BACE2: variants seen among roughly 807,000 people sequenced by gnomAD.
BACE2 encodes the protein 56 kDa aspartic-like protease.
In BACE2, 17 loss-of-function variants were observed where a neutral mutation model predicts 46.2. The observed-to-expected ratio is 0.37, with a 90% CI of 0.25 to 0.55. The LOEUF (loss-of-function observed/expected upper bound fraction) is 0.55. Ranked by LOEUF, BACE2 falls within the 20% of genes least tolerant of loss-of-function variation. The pLI is 0.82. For missense variants in BACE2, 595 were observed against 698.1 expected (o/e 0.85, Z 1.66); for synonymous variants, 277 against 295.9 (o/e 0.94, Z 0.66).
intron 1 of BACE2, among the ~76,000 whole-genome samples, chr21:41,221,488 T>C (rs182348270): frequency 0.013 from 1,927 of 152,292 alleles, 29 homozygotes; most frequent in South Asian, 0.059. Flanking sequence ...AACGAGTGTC[T>C]TTGATTTTAC....
intron 1 of BACE2, among the ~76,000 whole-genome samples, chr21:41,196,272 T>A (rs540327907): frequency 4.6e-4 from 70 of 150,654 alleles, no homozygotes; most frequent in African/African-American, 1.7e-3. Context: ...CACTCCAGCC[T>A]GGGTGACAGA....
At chr21:41,259,368 C>T (rs1987870647) in intron 8 of BACE2, among the ~76,000 whole-genome samples, 1 of 152,042 alleles carries the variant, frequency 6.6e-6, no homozygotes, top group South Asian at 2.1e-4. Context: ...TAATTACTTT[C>T]CTCAGGGCTG....
At chr21:41,170,251 GTTAA>G (rs900098286) in intron 1 of BACE2, among the ~76,000 whole-genome samples, 51 of 151,746 alleles carry the variant, frequency 3.4e-4, no homozygotes, top group African/African-American at 1.9e-4. Context: ...TAACTTGCCT[GTTAA>G]TTAATTCAAT....
At chr21:41,219,400 G>A (rs1986570834) in intron 1 of BACE2, among the ~76,000 whole-genome samples, 1 of 152,182 alleles carries the variant, frequency 6.6e-6, no homozygotes, top group Non-Finnish European at 1.5e-5. Flanking sequence ...TGTCACATAG[G>A]AAGAGATAGG....
At chr21:41,208,915 C>G (rs1986214305) in intron 1 of BACE2, among the ~76,000 whole-genome samples, 2 of 152,154 alleles carry the variant, frequency 1.3e-5, no homozygotes, top group Non-Finnish European at 2.9e-5. Flanking sequence ...GAACAACCAC[C>G]TGCCAGGGTG....
intron 1 of BACE2, among the ~76,000 whole-genome samples, chr21:41,202,342 G>T (rs970918730): frequency 6.6e-6 from 1 of 152,174 alleles, no homozygotes; most frequent in Non-Finnish European, 1.5e-5. Context: ...ATTTCGAGGG[G>T]GTATGCAGCC....
rs557603075 is a variant in BACE2, at chr21:41,223,829, G to A, written c.313-2437G>A. ...CAGAGTGCATGCGCAGCCCGGGGCC[G>A]AGAGGTACACTTGGGGTTCGTCAAC... On this transcript the variant is annotated intron_variant, in intron 1 of 8. Transcript: ENST00000330333. Among the ~76,000 whole-genome samples, 5 of 152,184 alleles carry A rather than the reference G, an allele frequency of 3.3e-5. 1 individual carries two copies. Among genetic ancestry groups the A allele is most frequent in the Admixed American group, 2.0e-4 (3 of 15,278 alleles).
At chr21:41,174,493 A>G (rs75064141) in intron 1 of BACE2, among the ~76,000 whole-genome samples, 4,292 of 152,020 alleles carry the variant, frequency 0.028, 199 homozygotes, top group African/African-American at 0.096. Flanking sequence ...CCAGGGGTGG[A>G]GAGGGAGGAA....
Position 41,174,138 on chromosome 21 carries a change from C to CTT in BACE2, c.312+5563_312+5564insTT, listed in dbSNP as rs1568853912. ...TAAGGATAGCTGTTGTGATCAGTGGCCTTTTTTTTTTTTTTTTTTTTTTTT... is the reference window on the plus strand; with the variant it reads ...TAAGGATAGCTGTTGTGATCAGTGGCTTCTTTTTTTTTTTTTTTTTTTTTTTT... On this transcript the variant is annotated intron_variant, in intron 1 of 8. Coordinates refer to ENST00000330333, the MANE Select transcript of BACE2 (RefSeq NM_012105.5). Among the ~76,000 whole-genome samples, 436 of 70,446 alleles carry CTT rather than the reference C, an allele frequency of 6.2e-3. 24 individuals carry two copies. The highest frequency in any genetic ancestry group is 0.029 in the East Asian group (52 of 1,800). 46.2% of individuals were successfully genotyped at this position (70,446 alleles called of 152,430 possible).
intron 8 of BACE2, among the ~76,000 whole-genome samples, chr21:41,270,723 G>A (rs1405426460): frequency 2.0e-5 from 3 of 152,134 alleles, no homozygotes; most frequent in Non-Finnish European, 4.4e-5. Flanking sequence ...TTATTTCATT[G>A]TCCAGAATAT....
At chr21:41,200,421 G>A (rs914886498) in intron 1 of BACE2, among the ~76,000 whole-genome samples, 1 of 152,150 alleles carries the variant, frequency 6.6e-6, no homozygotes, top group Non-Finnish European at 1.5e-5. Context: ...AAGCGAATGT[G>A]GACTCCGCTG....
At chr21:41,174,038 G>A (rs527670761) in intron 1 of BACE2, among the ~76,000 whole-genome samples, 1 of 147,584 alleles carries the variant, frequency 6.8e-6, no homozygotes, top group East Asian at 2.0e-4. Context: ...TGATCTCCTT[G>A]TTGTAGGTAA....
chr21:41,186,930 T>C (rs1985398334), intron 1 of BACE2: 1 of 152,448 alleles, frequency 6.6e-6, no homozygotes, highest in Non-Finnish European at 1.5e-5. Context: ...GGTGGTAACT[T>C]CTGGGTGTTG....
chr21:41,237,950 A>G (rs960043128), intron 3 of BACE2, among the ~76,000 whole-genome samples: 1 of 152,250 alleles, frequency 6.6e-6, no homozygotes, highest in Non-Finnish European at 1.5e-5. Context: ...AGGCAATAGC[A>G]TTAACTTTTT....
chr21:41,174,416 C>T (rs528008045), intron 1 of BACE2, among the ~76,000 whole-genome samples: 22 of 152,168 alleles, frequency 1.4e-4, no homozygotes, highest in African/African-American at 5.1e-4. Flanking sequence ...GCTAGGATTA[C>T]AGGCGTGAGC....
At chr21:41,227,329 T>C (rs758370540) in intron 2 of BACE2, among the ~76,000 whole-genome samples, 1 of 152,240 alleles carries the variant, frequency 6.6e-6, no homozygotes, top group Admixed American at 6.5e-5. Context: ...GTTTCCCTAC[T>C]GTAAATTCTT....
At chr21:41,255,926 T>C (rs1987774840) in intron 7 of BACE2, among the ~76,000 whole-genome samples, 2 of 152,190 alleles carry the variant, frequency 1.3e-5, no homozygotes, top group African/African-American at 4.8e-5. Context: ...CCCAAATATA[T>C]TTCCTTTTCA....
chr21:41,168,220 G>C lies in BACE2; in HGVS notation c.-44G>C, dbSNP rs1984450256. On this transcript the variant is annotated 5_prime_UTR_variant, in exon 1 of 9. Coordinates refer to ENST00000330333, the MANE Select transcript of BACE2 (RefSeq NM_012105.5). ...CTGAGCCGCGGCTGCCGGACGGGAC[G>C]GGACCGGCTAGGCTGGGCGCGCCCC... 9.2e-7 allele frequency: 1 copy of C among 1,084,264 alleles called. No individual in the cohort carries two copies. The highest frequency in any genetic ancestry group is 1.7e-5 in the African/African-American group (1 of 59,560). 67.2% of individuals were successfully genotyped at this position (1,084,264 alleles called of 1,614,324 possible). A position where few individuals can be genotyped will look rare whatever the true frequency, so the allele number is the denominator to read the frequency against.
rs771098505 is a variant in BACE2, at chr21:41,168,561, A to AC, written c.305dup (p.Gln103AlafsTer8). On this transcript the variant is annotated frameshift_variant, in exon 1 of 9. Transcript: ENST00000330333. LOFTEE classifies it high-confidence loss of function. ...CTACTACCTGGAGATGCTGATCGGG[A>AC]CCCCCCCGCAGAAGGTAGGGACCCC... The AC allele has an allele frequency of 9.1e-6, 12 of 1,323,168 alleles. No homozygotes were observed. Among genetic ancestry groups the AC allele is most frequent in the Admixed American group, 6.2e-5 (2 of 32,232 alleles). 82.0% of individuals were successfully genotyped at this position (1,323,168 alleles called of 1,614,324 possible). A position where few individuals can be genotyped will look rare whatever the true frequency, so the allele number is the denominator to read the frequency against.
Sources: allele counts gnomAD v4.1 joint callset (sites outside exome capture counted in the v4.1 genomes callset), GRCh38; gene constraint gnomAD v4.1.1; transcripts MANE v1.5; gene names NCBI Gene and HGNC (gene_info 2026-07-23, HGNC 2026-07-21).